ZFAND3: variants seen among roughly 807,000 people sequenced by gnomAD.
The protein encoded by ZFAND3 is zinc finger AN1-type containing 3, also known as AN1-type zinc finger protein 3.
In ZFAND3, 10 loss-of-function variants were observed where a neutral mutation model predicts 29.6. That is an observed-to-expected ratio of 0.34 (90% CI 0.21 to 0.57). The LOEUF (loss-of-function observed/expected upper bound fraction) is 0.57, where lower values mean the gene tolerates loss of function less well. Ranked by LOEUF, ZFAND3 falls within the 20% of genes least tolerant of loss-of-function variation. The pLI, the probability that ZFAND3 is intolerant of heterozygous loss-of-function variation, is 0.86. For synonymous variants in ZFAND3, 128 were observed against 112.6 expected (o/e 1.14, Z -0.87); for missense variants, 230 against 304.5 (o/e 0.76, Z 1.82).
intron 2 of ZFAND3, among the ~76,000 whole-genome samples, chr6:37,993,374 T>G (rs1467805298): frequency 1.3e-5 from 2 of 152,152 alleles, no homozygotes; most frequent in Non-Finnish European, 2.9e-5. Flanking sequence ...TCACCCAGGC[T>G]GGAGCGCAGT....
At chr6:38,068,677 G>C (rs1287307880) in intron 3 of ZFAND3, among the ~76,000 whole-genome samples, 1 of 152,032 alleles carries the variant, frequency 6.6e-6, no homozygotes, top group Non-Finnish European at 1.5e-5. Flanking sequence ...TCCTGCTCTT[G>C]TCTACTGCAT....
chr6:37,899,128 T>G (rs1467009432), intron 1 of ZFAND3, among the ~76,000 whole-genome samples: 1 of 152,170 alleles, frequency 6.6e-6, no homozygotes, highest in Non-Finnish European at 1.5e-5. Context: ...CTCGATCTCC[T>G]GACCTCGTGA....
At chr6:38,088,959 A>G (rs566451102) in intron 4 of ZFAND3, among the ~76,000 whole-genome samples, 17 of 152,118 alleles carry the variant, frequency 1.1e-4, no homozygotes, top group African/African-American at 3.9e-4. Flanking sequence ...TGTTAATTCA[A>G]TTTTACTTTA....
At position 37,882,943 on chromosome 6, in the gene ZFAND3, G is replaced by A. The variant is rs998935248; in HGVS notation, c.72-47016G>A. ...GCTATATTTAAAACATGTAGCCTGG[G>A]TGCATTGTCTCATGCCTATAATCCT... On this transcript the variant is annotated intron_variant, in intron 1 of 5. Coordinates refer to ENST00000287218, the MANE Select transcript of ZFAND3 (RefSeq NM_021943.3). Among the ~76,000 whole-genome samples the A allele has an allele frequency of 2.6e-5, 4 of 152,166 alleles. No individual in the cohort carries two copies. The South Asian group carries it at 8.3e-4, about 31-fold the overall frequency.
chr6:38,126,641 A>G (rs1213489245), intron 5 of ZFAND3, among the ~76,000 whole-genome samples: 1 of 151,980 alleles, frequency 6.6e-6, no homozygotes, highest in Admixed American at 6.5e-5. Flanking sequence ...TATTTCCCTA[A>G]TGACCAATGA....
chr6:37,997,581 A>C (rs141703653), intron 2 of ZFAND3, among the ~76,000 whole-genome samples: 5 of 152,188 alleles, frequency 3.3e-5, no homozygotes, highest in African/African-American at 1.2e-4. Context: ...AGCCACTGCA[A>C]GGAGGGAGGG....
intron 2 of ZFAND3, among the ~76,000 whole-genome samples, chr6:38,039,710 A>G (rs969057527): frequency 2.0e-5 from 3 of 152,186 alleles, no homozygotes; most frequent in African/African-American, 7.2e-5. Context: ...GAGACATTCC[A>G]GAGTCATGAT....
At position 37,924,828 on chromosome 6, in the gene ZFAND3, A is replaced by C. The variant is rs1581765792; in HGVS notation, c.72-5131A>C. On this transcript the variant is annotated intron_variant, in intron 1 of 5. Coordinates refer to ENST00000287218, the MANE Select transcript of ZFAND3 (RefSeq NM_021943.3). The stretch of plus-strand genomic sequence containing the variant: ...AGACCCAGTCTCAAAAAAACAAAAA[A>C]TAAAAAAATAAATTGGGTTGTTGAG... Among the ~76,000 whole-genome samples, 3 of 152,172 alleles carry C rather than the reference A, an allele frequency of 2.0e-5. No individual in the cohort carries two copies. In the Middle Eastern group the frequency reaches 0.01, roughly 518 times the overall value.
chr6:38,035,823 G>C (rs918713566), intron 2 of ZFAND3, among the ~76,000 whole-genome samples: 2 of 152,058 alleles, frequency 1.3e-5, no homozygotes, highest in African/African-American at 4.8e-5. Context: ...GACCTTCTAG[G>C]TGAAAAGGCC....
chr6:37,840,068 T>C (rs1456291640), intron 1 of ZFAND3, among the ~76,000 whole-genome samples: 2 of 152,200 alleles, frequency 1.3e-5, no homozygotes, highest in Non-Finnish European at 2.9e-5. Context: ...AGTTTTACAG[T>C]TTTAGCTCTT....
intron 1 of ZFAND3, among the ~76,000 whole-genome samples, chr6:37,859,811 T>G (rs367828373): frequency 2.3e-4 from 32 of 141,402 alleles, no homozygotes; most frequent in African/African-American, 7.1e-4. Context: ...TTAAAAAGGG[T>G]TTTTTTTTTT....
chr6:37,933,557 G>A (rs892552816), intron 2 of ZFAND3, among the ~76,000 whole-genome samples: 2 of 152,186 alleles, frequency 1.3e-5, no homozygotes, highest in African/African-American at 4.8e-5. Context: ...TATGCAGAGT[G>A]ACAGTTGCTA....
chr6:37,899,078 T>C (rs1765270895), intron 1 of ZFAND3, among the ~76,000 whole-genome samples: 1 of 152,196 alleles, frequency 6.6e-6, no homozygotes, highest in East Asian at 1.9e-4. Flanking sequence ...TTTTTGTATT[T>C]TTAGTAGAGA....
chr6:38,152,382 G>A lies in ZFAND3; in HGVS notation c.677G>A (p.Cys226Tyr). The A allele has an allele frequency of 6.3e-7, 1 of 1,582,318 alleles. No homozygotes were observed. The highest frequency in any genetic ancestry group is 1.9e-5 in the Admixed American group (1 of 54,004). The change falls in exon 6 of 6, where the codon TGC becomes TAC. Residue 226 changes from cysteine (C) to tyrosine (Y), a missense_variant. By Grantham distance (194) the Cys-to-Tyr change is radical (BLOSUM62 -2). This residue lies in a region of ZFAND3 where 50 missense variants were observed against 102.0 expected (regional missense o/e 0.49). Transcript: ENST00000287218. ...GRSCQRIGEG[C>Y]S ...TCCTGCCAGCGCATCGGGGAGGGGT[G>A]CTCCTGAAGGCCAGGCATGGCCACC...
At chr6:38,006,960 A>G (rs761800099) in intron 2 of ZFAND3, among the ~76,000 whole-genome samples, 1 of 152,182 alleles carries the variant, frequency 6.6e-6, no homozygotes, top group Non-Finnish European at 1.5e-5. Context: ...TCTGTTTAGC[A>G]TCCCGAGTTC....
chr6:37,883,870 T>C (rs758656478), intron 1 of ZFAND3, among the ~76,000 whole-genome samples: 1 of 145,278 alleles, frequency 6.9e-6, no homozygotes, highest in Admixed American at 6.7e-5. Flanking sequence ...TCTATTTCCC[T>C]TTCTCCCGTC....
At chr6:38,117,743 TGACAGTCAG>T (rs1364065754) in intron 5 of ZFAND3, among the ~76,000 whole-genome samples, 1 of 152,222 alleles carries the variant, frequency 6.6e-6, no homozygotes, top group East Asian at 1.9e-4. Context: ...GTACTATTGC[TGACAGTCAG>T]GACTAAATAG....
chr6:37,899,375 G>A (rs369810534), intron 1 of ZFAND3, among the ~76,000 whole-genome samples: 2 of 152,074 alleles, frequency 1.3e-5, no homozygotes, highest in East Asian at 1.9e-4. Context: ...GGGGAAAAGC[G>A]TGCAATATTT....
chr6:38,103,386 C>T (rs56296639), intron 4 of ZFAND3, among the ~76,000 whole-genome samples: 14,273 of 146,018 alleles, frequency 0.098, 914 homozygotes, highest in African/African-American at 0.15. Context: ...TATATATATA[C>T]ACACACACAT....
Sources: allele counts gnomAD v4.1 joint callset (sites outside exome capture counted in the v4.1 genomes callset), GRCh38; gene constraint gnomAD v4.1.1; regional missense constraint gnomAD v4.1.1; transcripts MANE v1.5; gene names NCBI Gene and HGNC (gene_info 2026-07-23, HGNC 2026-07-21).